PLAC8: variants seen among roughly 807,000 people sequenced by gnomAD.
PLAC8 encodes placenta-specific gene 8 protein.
Under a neutral mutation model 12.6 loss-of-function variants are expected in PLAC8, and 6 were observed. The ratio of observed to expected loss-of-function variants is 0.48; its 90% CI spans 0.26 to 0.94. PLAC8 has a LOEUF of 0.94. PLAC8 is among the 40% of genes least tolerant of loss of function. PLAC8 has a pLI of 0.14. For missense variants in PLAC8, 122 were observed against 152.7 expected (o/e 0.80, Z 1.06); for synonymous variants, 54 against 52.6 (o/e 1.03, Z -0.11).
rs988679797 is a variant in PLAC8, at chr4:83,092,145, G to A, written c.*10-1174C>T. The stretch of plus-strand genomic sequence containing the variant: ...ATGAGGAGGAGTCAGGACCGCCAAG[G>A]TATTTTACTTCAAACCCACCTAAAG... On this transcript the variant is annotated intron_variant, in intron 4 of 4. Transcript: ENST00000311507. 2.3e-4 allele frequency among the ~76,000 whole-genome samples: 35 copies of A among 152,048 alleles called. 1 individual carries two copies. The highest frequency in any genetic ancestry group is 8.8e-5 in the Non-Finnish European group (6 of 68,002).
At chr4:83,104,128 C>A (rs1043052488) in intron 3 of PLAC8, among the ~76,000 whole-genome samples, 4 of 152,080 alleles carry the variant, frequency 2.6e-5, no homozygotes, top group African/African-American at 9.7e-5. Flanking sequence ...TATTTTTTAG[C>A]CATAAAGTAT....
chr4:83,107,257 T>C (rs536441710), intron 2 of PLAC8, among the ~76,000 whole-genome samples: 1 of 151,774 alleles, frequency 6.6e-6, no homozygotes, highest in Non-Finnish European at 1.5e-5. Context: ...AGATTTTTTT[T>C]CCCCAGTGAC....
At chr4:83,095,561 C>G (rs577716196) in intron 3 of PLAC8, among the ~76,000 whole-genome samples, 3 of 152,120 alleles carry the variant, frequency 2.0e-5, no homozygotes, top group African/African-American at 7.2e-5. Flanking sequence ...AACCATATAA[C>G]TATATGGGAA....
At chr4:83,091,481 T>G (rs1240975040) in intron 4 of PLAC8, among the ~76,000 whole-genome samples, 1 of 152,184 alleles carries the variant, frequency 6.6e-6, no homozygotes, top group Non-Finnish European at 1.5e-5. Flanking sequence ...TAAAGTGCCA[T>G]TCTCATCACA....
At chr4:83,098,186 A>C (rs1382892616) in intron 3 of PLAC8, among the ~76,000 whole-genome samples, 1 of 152,190 alleles carries the variant, frequency 6.6e-6, no homozygotes, top group Non-Finnish European at 1.5e-5. Flanking sequence ...CTTAACCTAA[A>C]AGACTAACGG....
At chr4:83,110,716 C>A (rs553258727) in intron 1 of PLAC8, among the ~76,000 whole-genome samples, 1 of 152,376 alleles carries the variant, frequency 6.6e-6, no homozygotes, top group Non-Finnish European at 1.5e-5. Flanking sequence ...ACTCTGCAGA[C>A]CTCCACAGGT....
At chr4:83,097,592 G>C (rs1731972861) in intron 3 of PLAC8, among the ~76,000 whole-genome samples, 1 of 152,132 alleles carries the variant, frequency 6.6e-6, no homozygotes, top group Non-Finnish European at 1.5e-5. Context: ...ATGCCCGCTA[G>C]CTATGCTAAA....
At chr4:83,093,838 T>A (rs978546814) in intron 4 of PLAC8, 1 of 152,200 alleles carries the variant, frequency 6.6e-6, no homozygotes, top group Non-Finnish European at 1.5e-5. Flanking sequence ...TATTGATACA[T>A]TGATACATTA....
At chr4:83,107,620 C>CT (rs70946974) in intron 2 of PLAC8, among the ~76,000 whole-genome samples, 184 bp downstream of exon 2, 291 of 13,854 alleles carry the variant, frequency 0.021, 131 homozygotes, top group Non-Finnish European at 0.043. Flanking sequence ...CATACGGAGG[C>CT]TTTTTTTTTT....
chr4:83,100,887 G>T (rs570821619), intron 3 of PLAC8, among the ~76,000 whole-genome samples: 2 of 152,214 alleles, frequency 1.3e-5, no homozygotes, highest in Admixed American at 6.5e-5. Flanking sequence ...CAGTGGAAAA[G>T]TTCTTGAAGG....
chr4:83,104,823 T>C lies in PLAC8; in HGVS notation c.243+73A>G, dbSNP rs1286179825. 3 of 1,485,608 alleles carry C rather than the reference T, an allele frequency of 2.0e-6. No individual in the cohort carries two copies. In the Admixed American group the frequency reaches 5.0e-5, roughly 25 times the overall value. The allele number at this position is 1,485,608 out of a possible 1,614,324, so 92.0% of individuals were successfully genotyped here. ...AATTTCAGAAGATGTATACATCAAATGATCTCCATGTTTATAATAATTATT... is the reference window on the plus strand; with the variant it reads ...AATTTCAGAAGATGTATACATCAAACGATCTCCATGTTTATAATAATTATT... On this transcript the variant is annotated intron_variant, in intron 3 of 4. Transcript: ENST00000311507.
At chr4:83,105,788 A>G (rs1732220408) in intron 2 of PLAC8, among the ~76,000 whole-genome samples, 1 of 152,226 alleles carries the variant, frequency 6.6e-6, no homozygotes, top group Non-Finnish European at 1.5e-5. Context: ...TAATAATAAT[A>G]CTAGGGGTGA....
Position 83,107,210 on chromosome 4 carries a change from C to CA in PLAC8, c.118+593dup, listed in dbSNP as rs1194021802. ...AGTGAGACTTCGTCTCAAAAACAAACAAAAAAAAAAAACAAAAAAAAAAAC... is the reference window on the plus strand; with the variant it reads ...AGTGAGACTTCGTCTCAAAAACAAACAAAAAAAAAAAAACAAAAAAAAAAAC... On this transcript the variant is annotated intron_variant, in intron 2 of 4. Coordinates refer to ENST00000311507, the MANE Select transcript of PLAC8 (RefSeq NM_016619.3). 7.9e-3 allele frequency among the ~76,000 whole-genome samples: 854 copies of CA among 108,384 alleles called. 10 individuals are homozygous for CA. The highest frequency in any genetic ancestry group is 0.03 in the African/African-American group (756 of 25,552). 71.1% of individuals were successfully genotyped at this position (108,384 alleles called of 152,430 possible). A position where few individuals can be genotyped will look rare whatever the true frequency, so the allele number is the denominator to read the frequency against.
intron 2 of PLAC8, among the ~76,000 whole-genome samples, 154 bp from the exon 3 acceptor site, chr4:83,105,174 C>T (rs1732205905): frequency 6.6e-6 from 1 of 152,264 alleles, no homozygotes; most frequent in South Asian, 2.1e-4. Flanking sequence ...TTCAGCTTTG[C>T]ATCAATTTCT....
At chr4:83,097,642 G>T (rs751210147) in intron 3 of PLAC8, among the ~76,000 whole-genome samples, 4 of 152,048 alleles carry the variant, frequency 2.6e-5, no homozygotes, top group Non-Finnish European at 4.4e-5. Context: ...TAATGTCCTA[G>T]GCTCCACCCC....
chr4:83,112,238 G>T (rs189512660), intron 1 of PLAC8, among the ~76,000 whole-genome samples: 1,750 of 138,086 alleles, frequency 0.013, 49 homozygotes, highest in African/African-American at 0.047. Context: ...ATATATATAT[G>T]TATCAGCTGT....
intron 3 of PLAC8, among the ~76,000 whole-genome samples, chr4:83,099,326 T>C (rs1209234821): frequency 6.6e-6 from 1 of 152,142 alleles, no homozygotes; most frequent in East Asian, 1.9e-4. Context: ...AATTGAAGGT[T>C]TGTGGCAACC....
At chr4:83,101,194 A>G (rs1732091783) in intron 3 of PLAC8, among the ~76,000 whole-genome samples, 2 of 152,206 alleles carry the variant, frequency 1.3e-5, no homozygotes, top group Admixed American at 1.3e-4. Flanking sequence ...CCTGACCAAC[A>G]TGGTGAAATC....
chr4:83,106,414 T>G (rs1257619879), intron 2 of PLAC8, among the ~76,000 whole-genome samples: 1 of 151,960 alleles, frequency 6.6e-6, no homozygotes, highest in Non-Finnish European at 1.5e-5. Context: ...TGTCAGGAGT[T>G]TGAGACCGGC....
Sources: allele counts gnomAD v4.1 joint callset (sites outside exome capture counted in the v4.1 genomes callset), GRCh38; gene constraint gnomAD v4.1.1; transcripts MANE v1.5; gene names NCBI Gene and HGNC (gene_info 2026-07-23, HGNC 2026-07-21).